Variants in SPPL3 observed in about 807,000 individuals in gnomAD.
SPPL3 encodes the protein signal peptide peptidase like 3.
In SPPL3, 5 loss-of-function variants were observed where a neutral mutation model predicts 42.4. The ratio of observed to expected loss-of-function variants is 0.12; its 90% CI spans 0.06 to 0.25. The LOEUF (loss-of-function observed/expected upper bound fraction) is 0.25. Among genes scored for constraint, SPPL3 ranks in the 10% least tolerant of loss-of-function variants. SPPL3 has a pLI of 1.00. For missense variants in SPPL3, 235 were observed against 489.0 expected, an observed-to-expected ratio of 0.48 and a Z score of 4.90; for synonymous variants, 195 against 181.8, an observed-to-expected ratio of 1.07 and a Z score of -0.58.
intron 9 of SPPL3, 101 bp from the exon 10 acceptor site, chr12:120,766,473 C>T (rs1376015718): frequency 1.6e-5 from 14 of 889,014 alleles, no homozygotes; most frequent in East Asian, 2.9e-5. Flanking sequence ...AATGTGCTGT[C>T]GTCCATTCTA....
At chr12:120,820,305 A>ATTTTTTTTTT (rs754034719) in intron 1 of SPPL3, among the ~76,000 whole-genome samples, 1 of 139,034 alleles carries the variant, frequency 7.2e-6, no homozygotes, top group Non-Finnish European at 1.5e-5. Flanking sequence ...TCTTTCTCTA[A>ATTTTTTTTTT]ATTTTTTTTT....
Position 120,776,390 on chromosome 12 carries a change from C to T in SPPL3, c.502+6265G>A, listed in dbSNP as rs573157082. 1.2e-4 allele frequency among the ~76,000 whole-genome samples: 19 copies of T among 152,260 alleles called. No individual in the cohort carries two copies. The East Asian group carries it at 2.1e-3, about 17-fold the overall frequency. On this transcript the variant is annotated intron_variant, in intron 6 of 10. Transcript: ENST00000353487. ...ACTGTACAGTCTAGAGGAAGGGACT[C>T]GCATTGTAAAACAGACCCTTTAGTA...
At chr12:120,883,331 C>A (rs1873351384) in intron 1 of SPPL3, among the ~76,000 whole-genome samples, 1 of 152,020 alleles carries the variant, frequency 6.6e-6, no homozygotes, top group South Asian at 2.1e-4. Context: ...AAACAAAAAA[C>A]AAACTTAATT....
At chr12:120,767,892 C>A (rs574507798) in intron 8 of SPPL3, among the ~76,000 whole-genome samples, 1 of 152,320 alleles carries the variant, frequency 6.6e-6, no homozygotes, top group African/African-American at 2.4e-5. Context: ...TCATTTGTGA[C>A]ACATTCACTG....
intron 1 of SPPL3, among the ~76,000 whole-genome samples, chr12:120,824,696 A>G (rs150476326): frequency 2.7e-4 from 41 of 152,110 alleles, no homozygotes; most frequent in African/African-American, 9.9e-4. Flanking sequence ...ACATCAGGCT[A>G]ATTTTTTTTG....
chr12:120,797,465 T>C (rs1870142874), intron 2 of SPPL3, among the ~76,000 whole-genome samples: 1 of 152,160 alleles, frequency 6.6e-6, no homozygotes, highest in South Asian at 2.1e-4. Context: ...TGATGAAAAA[T>C]ATCTTGAAAA....
intron 5 of SPPL3, 101 bp downstream of exon 5, chr12:120,783,573 T>G: frequency 8.8e-7 from 1 of 1,135,150 alleles, no homozygotes; most frequent in South Asian, 1.7e-5. Flanking sequence ...ATTTCTGTGC[T>G]CCAGCCAATA....
intron 1 of SPPL3, among the ~76,000 whole-genome samples, chr12:120,834,625 C>T (rs1179655047): frequency 1.3e-5 from 2 of 152,224 alleles, no homozygotes. Flanking sequence ...ATCTTACACT[C>T]ATTCTCCTTT....
chr12:120,787,354 T>G (rs957019608), intron 3 of SPPL3, among the ~76,000 whole-genome samples: 1 of 152,176 alleles, frequency 6.6e-6, no homozygotes, highest in African/African-American at 2.4e-5. Flanking sequence ...GGCAGGGGTG[T>G]ACATGGCTTT....
At chr12:120,804,778 G>A (rs1870434907) in intron 2 of SPPL3, among the ~76,000 whole-genome samples, 1 of 152,026 alleles carries the variant, frequency 6.6e-6, no homozygotes, top group African/African-American at 2.4e-5. Context: ...TGTTATGTCT[G>A]CACAGAAACT....
chr12:120,893,345 G>A (rs910065065), intron 1 of SPPL3, among the ~76,000 whole-genome samples: 11 of 152,096 alleles, frequency 7.2e-5, no homozygotes, highest in African/African-American at 2.7e-4. Flanking sequence ...AGCTACTTGG[G>A]AGGCTGAGGC....
At chr12:120,800,781 G>C (rs1870264369) in intron 2 of SPPL3, among the ~76,000 whole-genome samples, 1 of 152,106 alleles carries the variant, frequency 6.6e-6, no homozygotes, top group Admixed American at 6.5e-5. Flanking sequence ...CTAAGAACCT[G>C]GGCAGGAAGA....
intron 1 of SPPL3, among the ~76,000 whole-genome samples, chr12:120,882,432 C>T (rs1431044155): frequency 1.3e-5 from 2 of 152,076 alleles, no homozygotes; most frequent in East Asian, 3.8e-4. Flanking sequence ...GTGTATTTTA[C>T]TGCAATATAA....
At chr12:120,877,068 A>C (rs1308204925) in intron 1 of SPPL3, among the ~76,000 whole-genome samples, 1 of 152,190 alleles carries the variant, frequency 6.6e-6, no homozygotes, top group Non-Finnish European at 1.5e-5. Context: ...TAGAAAAAAA[A>C]ACCTATAAAC....
intron 6 of SPPL3, 166 bp from the exon 7 acceptor site, chr12:120,769,225 T>TAAG (rs1451408353): frequency 1.8e-6 from 1 of 565,040 alleles, no homozygotes; most frequent in African/African-American, 1.9e-5. Context: ...AACACCCGCT[T>TAAG]CTTCAGCCTG....
chr12:120,821,543 T>G, intron 1 of SPPL3, among the ~76,000 whole-genome samples: 1 of 152,280 alleles, frequency 6.6e-6, no homozygotes, highest in Middle Eastern at 3.4e-3. Context: ...AAAAAAAAAA[T>G]TATAATACAG....
chr12:120,764,831 G>T lies in SPPL3; in HGVS notation c.*168C>A. On this transcript the variant is annotated 3_prime_UTR_variant, in exon 11 of 11. Coordinates refer to ENST00000353487, the MANE Select transcript of SPPL3 (RefSeq NM_139015.5). ...AGAGAAGGAACCAAACAGGGCTCCAGCACCTCTCTCCTGCAAACGAGCTCC... is the reference window on the plus strand; with the variant it reads ...AGAGAAGGAACCAAACAGGGCTCCATCACCTCTCTCCTGCAAACGAGCTCC... 1.4e-6 allele frequency: 1 copy of T among 696,866 alleles called. No individual in the cohort carries two copies. The highest frequency in any genetic ancestry group is 2.3e-6 in the Non-Finnish European group (1 of 437,218). 43.2% of individuals were successfully genotyped at this position (696,866 alleles called of 1,614,324 possible).
chr12:120,768,861 G>A (rs943624071), intron 7 of SPPL3, 92 bp downstream of exon 7: 11 of 1,132,886 alleles, frequency 9.7e-6, no homozygotes, highest in African/African-American at 4.7e-5. Flanking sequence ...GGGCAAGCCC[G>A]ACTTTGGATA....
chr12:120,897,188 A>G (rs182599304), intron 1 of SPPL3, among the ~76,000 whole-genome samples: 18 of 152,348 alleles, frequency 1.2e-4, no homozygotes, highest in African/African-American at 3.6e-4. Flanking sequence ...GATCACGTAG[A>G]AATCTTTTTG....
Sources: gnomAD v4.1 joint callset for allele counts (sites outside exome capture counted in the v4.1 genomes callset) on GRCh38, gnomAD v4.1.1 for gene constraint, MANE v1.5 for transcripts, NCBI Gene and HGNC (gene_info 2026-07-23, HGNC 2026-07-21) for gene names.